The following COL4A2 variants were observed in gnomAD, a reference collection of about 807,000 sequenced individuals.
COL4A2 encodes the protein collagen type IV alpha 2 chain, also known as collagen alpha-2(IV) chain.
In COL4A2, 99 loss-of-function variants were observed where a neutral mutation model predicts 200.2. The observed-to-expected ratio is 0.49, with a 90% CI of 0.42 to 0.58. COL4A2 has a LOEUF of 0.58. Ranked by LOEUF, COL4A2 falls within the 20% of genes least tolerant of loss-of-function variation. COL4A2 has a pLI of 0.00. For missense variants in COL4A2, 1,950 were observed against 2,314.1 expected (o/e 0.84, Z 3.23); for synonymous variants, 897 against 900.6 (o/e 1.00, Z 0.07).
intron 4 of COL4A2, among the ~76,000 whole-genome samples, chr13:110,363,964 G>A (rs1877633231): frequency 6.6e-6 from 1 of 152,168 alleles, no homozygotes; most frequent in Non-Finnish European, 1.5e-5. Context: ...GCCTCCCAAA[G>A]TGCTGAGATT....
At chr13:110,384,813 T>C (rs1878620624) in intron 4 of COL4A2, among the ~76,000 whole-genome samples, 1 of 152,192 alleles carries the variant, frequency 6.6e-6, no homozygotes, top group African/African-American at 2.4e-5. Context: ...TTCCCTGGCA[T>C]AGAGCAGACA....
At chr13:110,373,219 C>G (rs1878093621) in intron 4 of COL4A2, among the ~76,000 whole-genome samples, 1 of 152,322 alleles carries the variant, frequency 6.6e-6, no homozygotes, top group East Asian at 1.9e-4. Context: ...TTTAGGATTT[C>G]CATTCTACCT....
chr13:110,333,541 C>T (rs1876025812), intron 3 of COL4A2, among the ~76,000 whole-genome samples: 1 of 152,206 alleles, frequency 6.6e-6, no homozygotes, highest in South Asian at 2.1e-4. Context: ...TTTCTTGTAG[C>T]ACTTTTTCTT....
At chr13:110,382,394 G>A (rs1025663536) in intron 4 of COL4A2, among the ~76,000 whole-genome samples, 15 of 152,130 alleles carry the variant, frequency 9.9e-5, no homozygotes, top group Admixed American at 9.2e-4. Context: ...CCCGTCTTCC[G>A]CCCACTTCCC....
chr13:110,504,056 G>A, intron 44 of COL4A2, 63 bp downstream of exon 44: 3 of 1,561,204 alleles, frequency 1.9e-6, no homozygotes, highest in South Asian at 2.3e-5. Flanking sequence ...AGGGCCTGCT[G>A]GCATTGCGTC....
At position 110,503,959 on chromosome 13, in the gene COL4A2, G is replaced by A. The variant is rs769356252; in HGVS notation, c.4251G>A (p.Gly1417=). ...GGCGAGGCCCCCCTGGGGCACCGGG[G>A]GAGATGGGGCCCCAGGGCCCCCCCG... is the stretch of plus-strand genomic sequence containing the variant. ...QGRRGPPGAP[G]EMGPQGPPGE... is the part of the protein sequence containing the mutation. Residue 1417 remains glycine, a synonymous_variant, in exon 44 of 48, where the codon GGG becomes GGA. Transcript: ENST00000360467. The A allele has an allele frequency of 1.9e-6, 3 of 1,569,872 alleles. No homozygotes were observed. Among genetic ancestry groups the A allele is most frequent in the Non-Finnish European group, 2.6e-6 (3 of 1,158,670 alleles).
rs372173405 is a variant in COL4A2 at position 110,457,415 on chromosome 13, G to A, written c.1412G>A (p.Arg471His). 1.2e-4 allele frequency: 194 copies of A among 1,608,062 alleles called. No individual in the cohort carries two copies. The Admixed American group carries it at 1.3e-3, about 11-fold the overall frequency. ...GGGCTTCCCGGCTCCCCTGGAGCCC[G>A]CGGACCAAAGGGGTGGAAAGGTAAG... ...FPGLPGSPGA[R>H]GPKGWKGDAG... is the part of the protein sequence containing the mutation. Residue 471 changes from arginine to histidine, a missense_variant, in exon 21 of 48, where the codon CGC (arginine) becomes CAC (histidine). Coordinates refer to ENST00000360467, the MANE Select transcript of COL4A2 (RefSeq NM_001846.4).
At chr13:110,412,729 A>G (rs764352476) in intron 4 of COL4A2, among the ~76,000 whole-genome samples, 1 of 152,200 alleles carries the variant, frequency 6.6e-6, no homozygotes, top group Non-Finnish European at 1.5e-5. Context: ...ACTTGGTTCA[A>G]ATGTTACCAG....
At chr13:110,465,855 C>A in intron 25 of COL4A2, 148 bp from the exon 26 acceptor site, 1 of 1,016,312 alleles carries the variant, frequency 9.8e-7, no homozygotes. Context: ...TCAGAGATGG[C>A]TTTCCCGTTC....
chr13:110,328,546 CAGA>C (rs1486443829), intron 3 of COL4A2: 2 of 152,226 alleles, frequency 1.3e-5, no homozygotes, highest in Non-Finnish European at 2.9e-5. Context: ...GCGCACTTTT[CAGA>C]AGAAATCGAT....
In COL4A2 at chr13:110,478,099, A is replaced by G. The variant is rs1262947423; in HGVS notation, c.2522A>G (p.His841Arg). The G allele has an allele frequency of 1.2e-6, 2 of 1,609,426 alleles. No individual in the cohort carries two copies. The highest frequency in any genetic ancestry group is 8.5e-7 in the Non-Finnish European group (1 of 1,177,504). ...GGCCTGTATGGGCCTCCAGGACTGCATGGATTCCCAGGAGCTCCTGGCCAA... is the reference window on the plus strand; with the variant it reads ...GGCCTGTATGGGCCTCCAGGACTGCGTGGATTCCCAGGAGCTCCTGGCCAA... ...QPGLYGPPGL[H>R]GFPGAPGQEG... Residue 841 changes from histidine (H) to arginine (R), a missense_variant, in exon 30 of 48, where the codon CAT becomes CGT. Physicochemically the swap from His to Arg is conservative, Grantham distance 29. This residue lies in a region of COL4A2 where 1,385 missense variants were observed against 1,720.5 expected (regional missense o/e 0.80). Coordinates refer to ENST00000360467, the MANE Select transcript of COL4A2 (RefSeq NM_001846.4).
At chr13:110,416,841 G>A (rs1402997198) in intron 4 of COL4A2, among the ~76,000 whole-genome samples, 1 of 152,222 alleles carries the variant, frequency 6.6e-6, no homozygotes, top group South Asian at 2.1e-4. Context: ...ATTCGGTCCT[G>A]ACCCACTTTC....
chr13:110,308,133 G>A lies in COL4A2; in HGVS notation c.99+10G>A, dbSNP rs1884852789. On this transcript the variant is annotated intron_variant, in intron 3 of 47. Transcript: ENST00000360467. ...CCAGAGCGTCTTGGCGGTAAGTCCT[G>A]GCTCCCGCGCTTGGACTTGCGCGCC... The A allele has an allele frequency of 6.2e-7, 1 of 1,613,460 alleles. No homozygotes were observed. The highest frequency in any genetic ancestry group is 8.5e-7 in the Non-Finnish European group (1 of 1,179,946).
chr13:110,449,821 A>G (rs1436035607), intron 19 of COL4A2, 32 bp downstream of exon 19: 2 of 1,539,650 alleles, frequency 1.3e-6, no homozygotes, highest in African/African-American at 1.4e-5. Flanking sequence ...AACACCGGAG[A>G]CCCAAAGCAC....
rs1453374379 is a variant in COL4A2 at position 110,468,148 on chromosome 13, A to G, written c.2095+1052A>G. 1.3e-5 allele frequency: 6 copies of G among 471,050 alleles called. 1 individual carries two copies. Among genetic ancestry groups the G allele is most frequent in the East Asian group, 1.4e-4 (2 of 14,396 alleles). The allele number at this position is 471,050 out of a possible 1,614,324, so 29.2% of individuals were successfully genotyped here. On this transcript the variant is annotated intron_variant, in intron 27 of 47. Coordinates refer to ENST00000360467, the MANE Select transcript of COL4A2 (RefSeq NM_001846.4). ...TTAGGAAAGTGGACGGACACATTCT[A>G]TGTGCCCTGCACCTTAAGGGGGTCT...
chr13:110,394,638 T>C (rs1879123339), intron 4 of COL4A2, among the ~76,000 whole-genome samples: 1 of 152,204 alleles, frequency 6.6e-6, no homozygotes, highest in East Asian at 1.9e-4. Flanking sequence ...CAATATTCAG[T>C]TCCTTGTTCT....
chr13:110,338,821 G>A (rs538978704), intron 3 of COL4A2, among the ~76,000 whole-genome samples: 79 of 152,366 alleles, frequency 5.2e-4, no homozygotes, highest in Non-Finnish European at 1.0e-3. Context: ...AGCCAAGAAC[G>A]ACTGGCTGCT....
At position 110,512,400 on chromosome 13, in the gene COL4A2, G is replaced by C. The variant is rs1199964177; in HGVS notation, c.*209G>C. The C allele has an allele frequency of 7.3e-6, 6 of 827,112 alleles. No individual in the cohort carries two copies. In the African/African-American group the frequency reaches 1.0e-4, roughly 14 times the overall value. The allele number at this position is 827,112 out of a possible 1,614,324, so 51.2% of individuals were successfully genotyped here. A position where few individuals can be genotyped will look rare whatever the true frequency, so the allele number is the denominator to read the frequency against. On this transcript the variant is annotated 3_prime_UTR_variant, in exon 48 of 48. Transcript: ENST00000360467. The stretch of plus-strand genomic sequence containing the variant: ...CCCTGGAGGGCAAGCCCTGCCCACA[G>C]AAAGCCAGGAGCAGCCCTGGCCCCC...
At position 110,432,356 on chromosome 13, in the gene COL4A2, A is replaced by G. The variant is rs1880714152; in HGVS notation, c.680A>G (p.Gln227Arg). The G allele has an allele frequency of 6.2e-7, 1 of 1,609,646 alleles. No individual in the cohort carries two copies. The highest frequency in any genetic ancestry group is 1.3e-5 in the African/African-American group (1 of 74,660). The change falls in exon 11 of 48, where the codon CAG becomes CGG. Residue 227 changes from glutamine to arginine, a missense_variant. Transcript: ENST00000360467. ...GPPGPPGPKG[Q>R]QGNRGLGFYG... ...CCTGGACCCCCTGGACCAAAAGGAC[A>G]GCAAGTAAGTTGGTTTTGGGGGGTG...
Sources: allele counts gnomAD v4.1 joint callset (sites outside exome capture counted in the v4.1 genomes callset), GRCh38; gene constraint gnomAD v4.1.1; regional missense constraint gnomAD v4.1.1; transcripts MANE v1.5; gene names NCBI Gene and HGNC (gene_info 2026-07-23, HGNC 2026-07-21).